The following ACMSD variants were observed in gnomAD, a reference collection of about 807,000 sequenced individuals.
ACMSD encodes 2-amino-3-carboxymuconate-6-semialdehyde decarboxylase.
In ACMSD, 37 loss-of-function variants were observed where a neutral mutation model predicts 45.9. The ratio of observed to expected loss-of-function variants is 0.81; its 90% CI spans 0.62 to 1.06. The LOEUF is 1.06. ACMSD is among the 50% of genes least tolerant of loss of function. ACMSD has a pLI of 0.00. For missense variants in ACMSD, 434 were observed against 420.9 expected, an observed-to-expected ratio of 1.03 and a Z score of -0.27; for synonymous variants, 138 against 148.8, an observed-to-expected ratio of 0.93 and a Z score of 0.53.
At position 134,859,361 on chromosome 2, in the gene ACMSD, C is replaced by G; in HGVS notation, c.199+4C>G. Reference sequence around the variant, plus strand: ...ATTAGAGAAATGGACCAAAAAGGTACGATGAGAAGTGCTACCAATGTTAGC... The same window carrying G: ...ATTAGAGAAATGGACCAAAAAGGTAGGATGAGAAGTGCTACCAATGTTAGC... On this transcript the variant is annotated splice_donor_region_variant and intron_variant, in intron 3 of 9. Transcript: ENST00000356140. 1 of 1,612,784 alleles carries G rather than the reference C, an allele frequency of 6.2e-7. No homozygotes were observed.
rs1462232776 is a variant in ACMSD, at chr2:134,863,557, T to C, written c.412T>C (p.Phe138Leu). 6.2e-7 allele frequency: 1 copy of C among 1,614,176 alleles called. No homozygotes were observed. Among genetic ancestry groups the C allele is most frequent in the Admixed American group, 1.7e-5 (1 of 60,034 alleles). Residue 138 changes from phenylalanine to leucine, a missense_variant, in exon 5 of 10, where the codon TTT becomes CTT. Coordinates refer to ENST00000356140, the MANE Select transcript of ACMSD (RefSeq NM_138326.3). ...GGAGCGCTGTGTGAAAGAGCTGGGC[T>C]TTCCCGGGGTCCAAATTGGCACCCA... ...EMERCVKELG[F>L]PGVQIGTHVN...
At chr2:134,885,221 A>G (rs1304201865) in intron 8 of ACMSD, among the ~76,000 whole-genome samples, 1 of 128,064 alleles carries the variant, frequency 7.8e-6, no homozygotes, top group Non-Finnish European at 1.6e-5. Context: ...ATATATATTT[A>G]TATATAATAC....
chr2:134,847,324 C>T (rs1687096195), intron 2 of ACMSD, among the ~76,000 whole-genome samples: 1 of 151,232 alleles, frequency 6.6e-6, no homozygotes, highest in African/African-American at 2.4e-5. Flanking sequence ...GGGTTTAGGC[C>T]CCAAAATGAG....
chr2:134,863,054 G>A, intron 4 of ACMSD: 1 of 976,074 alleles, frequency 1.0e-6, no homozygotes, highest in Non-Finnish European at 1.2e-6. Context: ...CCTCCTGGGA[G>A]GTAGGGGGGC....
chr2:134,852,126 T>C (rs1687374672), intron 2 of ACMSD, among the ~76,000 whole-genome samples: 1 of 152,138 alleles, frequency 6.6e-6, no homozygotes, highest in Admixed American at 6.5e-5. Context: ...TTTATAAAGG[T>C]ATAAACATGA....
intron 5 of ACMSD, 43 bp from the exon 6 acceptor site, chr2:134,867,536 C>T: frequency 2.6e-6 from 4 of 1,509,862 alleles, no homozygotes; most frequent in Non-Finnish European, 3.7e-6. Flanking sequence ...TCTGCTCACT[C>T]ATCAAAGTAA....
chr2:134,871,164 C>G, intron 7 of ACMSD, 104 bp downstream of exon 7: 1 of 1,050,138 alleles, frequency 9.5e-7, no homozygotes, highest in Non-Finnish European at 1.4e-6. Flanking sequence ...GTCCTGGAGG[C>G]TAGAAGTCCA....
intron 8 of ACMSD, among the ~76,000 whole-genome samples, chr2:134,897,592 T>C (rs1007775560): frequency 6.6e-6 from 1 of 152,148 alleles, no homozygotes; most frequent in South Asian, 2.1e-4. Flanking sequence ...TATTTTACTT[T>C]GATAAATTGC....
Position 134,901,919 on chromosome 2 carries a change from G to T in ACMSD, c.*59G>T, listed in dbSNP as rs1690523884. On this transcript the variant is annotated 3_prime_UTR_variant, in exon 10 of 10. Transcript: ENST00000356140. ...ATATCTCATTTTTGTTTCTAAATAT[G>T]TATCAACAGGTATCAACAAAATCCT... 2 of 1,170,594 alleles carry T rather than the reference G, an allele frequency of 1.7e-6. No individual in the cohort carries two copies. Among genetic ancestry groups the T allele is most frequent in the African/African-American group, 3.1e-5 (2 of 65,256 alleles). 72.5% of individuals were successfully genotyped at this position (1,170,594 alleles called of 1,614,324 possible). A position where few individuals can be genotyped will look rare whatever the true frequency, so the allele number is the denominator to read the frequency against.
At chr2:134,880,307 A>G (rs948946778) in intron 8 of ACMSD, among the ~76,000 whole-genome samples, 17 of 152,178 alleles carry the variant, frequency 1.1e-4, no homozygotes, top group African/African-American at 4.1e-4. Flanking sequence ...TTTCACAATG[A>G]TACTACTTGA....
chr2:134,899,470 G>A (rs1690371407), intron 9 of ACMSD, among the ~76,000 whole-genome samples: 1 of 151,726 alleles, frequency 6.6e-6, no homozygotes, highest in Non-Finnish European at 1.5e-5. Flanking sequence ...TGTCATAAAG[G>A]CATTTTTTAT....
chr2:134,887,057 C>CTT (rs1166060672), intron 8 of ACMSD, among the ~76,000 whole-genome samples: 2 of 152,066 alleles, frequency 1.3e-5, no homozygotes, highest in Non-Finnish European at 2.9e-5. Flanking sequence ...ACACTGAAAA[C>CTT]TATAAAATAT....
chr2:134,896,280 T>C (rs756104866), intron 8 of ACMSD, among the ~76,000 whole-genome samples: 6 of 152,088 alleles, frequency 3.9e-5, no homozygotes, highest in Non-Finnish European at 5.9e-5. Flanking sequence ...AGTACAAGCA[T>C]CCAAAGAAAA....
rs1468374545 is a variant in ACMSD at position 134,863,594 on chromosome 2, G to A, written c.449G>A (p.Trp150Ter). The A allele has an allele frequency of 1.2e-6, 2 of 1,614,218 alleles. No individual in the cohort carries two copies. Among genetic ancestry groups the A allele is most frequent in the Admixed American group, 3.3e-5 (2 of 60,030 alleles). The change falls in exon 5 of 10, where the codon TGG becomes TAG. Residue 150 changes from tryptophan to a stop codon, truncating the protein, a stop_gained. Coordinates refer to ENST00000356140, the MANE Select transcript of ACMSD (RefSeq NM_138326.3). LOFTEE classifies it high-confidence loss of function. ...CAAATTGGCACCCACGTCAACGAGT[G>A]GGACCTGAACGCGCAGGAGCTCTTT... ...GVQIGTHVNE[W>*]DLNAQELFPV... is the part of the protein sequence containing the mutation.
intron 6 of ACMSD, among the ~76,000 whole-genome samples, chr2:134,868,577 C>A (rs989687659): frequency 6.6e-6 from 1 of 151,836 alleles, no homozygotes; most frequent in East Asian, 1.9e-4. Context: ...CTCAGCCTCC[C>A]AAATAGCTGG....
At chr2:134,857,782 C>T (rs1687651854) in intron 2 of ACMSD, 1 of 150,426 alleles carries the variant, frequency 6.6e-6, no homozygotes, top group Admixed American at 6.6e-5. Context: ...TTCAACTTTT[C>T]ATCATTTTCA....
At chr2:134,845,417 T>C in intron 2 of ACMSD, 140 bp downstream of exon 2, 1 of 843,776 alleles carries the variant, frequency 1.2e-6, no homozygotes. Flanking sequence ...GGAACAGCAC[T>C]GAGATTTCTC....
chr2:134,882,537 T>A (rs932178135), intron 8 of ACMSD, among the ~76,000 whole-genome samples: 9 of 152,256 alleles, frequency 5.9e-5, no homozygotes, highest in Non-Finnish European at 1.3e-4. Context: ...GTTAAGTTAA[T>A]GTTTGTTTAA....
At chr2:134,865,554 C>A (rs1688058381) in intron 5 of ACMSD, among the ~76,000 whole-genome samples, 1 of 152,196 alleles carries the variant, frequency 6.6e-6, no homozygotes, top group East Asian at 1.9e-4. Context: ...AGGAGCACAT[C>A]CTGTCCCCAG....
Sources: gnomAD v4.1 joint callset for allele counts (sites outside exome capture counted in the v4.1 genomes callset) on GRCh38, gnomAD v4.1.1 for gene constraint, MANE v1.5 for transcripts, NCBI Gene and HGNC (gene_info 2026-07-23, HGNC 2026-07-21) for gene names.